Variants in OPCML observed in about 807,000 individuals in gnomAD.
OPCML encodes the protein opioid binding protein/cell adhesion molecule like.
OPCML carries 13 observed loss-of-function variants against 37.8 expected under a neutral mutation model. The ratio of observed to expected loss-of-function variants is 0.34; its 90% CI spans 0.22 to 0.55. OPCML has a LOEUF of 0.55. Among genes scored for constraint, OPCML ranks in the 20% least tolerant of loss-of-function variants. The pLI, the probability that OPCML is intolerant of heterozygous loss-of-function variation, is 0.91. For synonymous variants in OPCML, 176 were observed against 168.8 expected (o/e 1.04, Z -0.33); for missense variants, 341 against 435.6 (o/e 0.78, Z 1.93).
intron 2 of OPCML, among the ~76,000 whole-genome samples, chr11:132,920,077 T>C (rs1194110966): frequency 6.6e-6 from 1 of 152,204 alleles, no homozygotes; most frequent in African/African-American, 2.4e-5. Context: ...GTGGTGATGA[T>C]TGCACAACCT....
intron 1 of OPCML, among the ~76,000 whole-genome samples, chr11:133,401,957 G>T (rs1945413485): frequency 6.6e-6 from 1 of 152,296 alleles, no homozygotes; most frequent in East Asian, 1.9e-4. Context: ...AGTGCTGATT[G>T]TCAATCTTGA....
At chr11:132,531,242 C>T (rs1263221944) in intron 3 of OPCML, among the ~76,000 whole-genome samples, 1 of 152,148 alleles carries the variant, frequency 6.6e-6, no homozygotes, top group African/African-American at 2.4e-5. Flanking sequence ...GGAGGTAAAG[C>T]TTTGAATGGA....
rs147778934 is a variant in OPCML at position 133,317,194 on chromosome 11, G to C, written c.61+215070C>G. On this transcript the variant is annotated intron_variant, in intron 1 of 7. Transcript: ENST00000524381. ...CCTGGGTGACAGAGCGAGATGCTAT[G>C]TCAAAAAATAAAAAATACATAAAGT... Among the ~76,000 whole-genome samples, 1,006 of 152,214 alleles carry C rather than the reference G, an allele frequency of 6.6e-3. 2 individuals are homozygous for C. Among genetic ancestry groups the C allele is most frequent in the Middle Eastern group, 0.014 (4 of 294 alleles).
At chr11:132,769,672 T>G (rs970208773) in intron 2 of OPCML, among the ~76,000 whole-genome samples, 1 of 151,374 alleles carries the variant, frequency 6.6e-6, no homozygotes, top group African/African-American at 2.4e-5. Context: ...AAAGGCGGGG[T>G]GGAAAGAAGC....
chr11:133,457,002 C>A (rs183767784), intron 1 of OPCML, among the ~76,000 whole-genome samples: 1 of 152,012 alleles, frequency 6.6e-6, no homozygotes, highest in African/African-American at 2.4e-5. Flanking sequence ...AATACGGACA[C>A]GCAAATACAA....
At chr11:132,468,103 C>A (rs1370891253) in intron 4 of OPCML, among the ~76,000 whole-genome samples, 1 of 152,200 alleles carries the variant, frequency 6.6e-6, no homozygotes, top group Admixed American at 6.5e-5. Context: ...TCCAACCCAG[C>A]CTCCCTCTCT....
Position 133,174,520 on chromosome 11 carries a change from G to C in OPCML, c.62-231510C>G, listed in dbSNP as rs531542021. On this transcript the variant is annotated intron_variant, in intron 1 of 7. Transcript: ENST00000524381. This position sits in a 1 kb window ranked among gnomAD's most constrained non-coding sequence, Gnocchi z 4.6. ...ATTATGAACATTACGATTTATAATA[G>C]TGGAGGACTGGAAGCAACCTGCATA... Among the ~76,000 whole-genome samples the C allele has an allele frequency of 5.9e-5, 9 of 152,044 alleles. No individual in the cohort carries two copies. In the South Asian group the frequency reaches 1.9e-3, roughly 32 times the overall value.
At chr11:132,656,190 G>T (rs1337243949) in intron 3 of OPCML, among the ~76,000 whole-genome samples, 2 of 152,196 alleles carry the variant, frequency 1.3e-5, no homozygotes, top group African/African-American at 4.8e-5. Flanking sequence ...GACAGAAATG[G>T]CTTTACATGG....
intron 4 of OPCML, among the ~76,000 whole-genome samples, chr11:132,507,732 A>T (rs2096260489): frequency 6.6e-6 from 1 of 151,908 alleles, no homozygotes; most frequent in African/African-American, 2.4e-5. Flanking sequence ...CAAATAGAGG[A>T]TCTATCAATT....
chr11:132,526,113 T>A (rs2096307768), intron 4 of OPCML, among the ~76,000 whole-genome samples: 1 of 152,064 alleles, frequency 6.6e-6, no homozygotes, highest in Non-Finnish European at 1.5e-5. Flanking sequence ...TATGAATGAA[T>A]CTCCCTTATT....
intron 4 of OPCML, among the ~76,000 whole-genome samples, chr11:132,496,819 G>C (rs2096232627): frequency 6.6e-6 from 1 of 152,132 alleles, no homozygotes; most frequent in Non-Finnish European, 1.5e-5. Context: ...GAAAATTAAA[G>C]TTTTCTCTAT....
chr11:133,532,134 C>G, intron 1 of OPCML, 130 bp downstream of exon 1: 1 of 1,433,748 alleles, frequency 7.0e-7, no homozygotes, highest in Non-Finnish European at 9.4e-7. Context: ...CTACCTCTTT[C>G]ACTCACATGC....
intron 2 of OPCML, among the ~76,000 whole-genome samples, chr11:132,808,918 AAT>A (rs1939170201): frequency 6.6e-6 from 1 of 152,070 alleles, no homozygotes; most frequent in South Asian, 2.1e-4. Context: ...ATACAAACAT[AAT>A]TCAGACCTTT....
chr11:133,201,220 A>T (rs1938771925), intron 1 of OPCML, among the ~76,000 whole-genome samples: 1 of 152,114 alleles, frequency 6.6e-6, no homozygotes, highest in South Asian at 2.1e-4. Flanking sequence ...CTCTGCGCCA[A>T]ACTCCCAGGA....
At chr11:133,439,881 T>C (rs1218084136) in intron 1 of OPCML, among the ~76,000 whole-genome samples, 1 of 152,180 alleles carries the variant, frequency 6.6e-6, no homozygotes, top group Admixed American at 6.5e-5. Context: ...TATTATATCA[T>C]GACAAGCACA....
At chr11:133,333,641 G>T (rs1203604594) in intron 1 of OPCML, among the ~76,000 whole-genome samples, 3 of 152,142 alleles carry the variant, frequency 2.0e-5, no homozygotes, top group African/African-American at 7.2e-5. Context: ...TTGACAAATG[G>T]GATCTAATTA....
At chr11:132,882,372 T>G (rs1292768160) in intron 2 of OPCML, among the ~76,000 whole-genome samples, 1 of 152,034 alleles carries the variant, frequency 6.6e-6, no homozygotes, top group African/African-American at 2.4e-5. Flanking sequence ...AATAAACAGG[T>G]TTGTAGATGG....
chr11:133,022,086 G>T lies in OPCML; in HGVS notation c.62-79076C>A, dbSNP rs892731715. 2.6e-5 allele frequency among the ~76,000 whole-genome samples: 4 copies of T among 152,172 alleles called. No homozygotes were observed. The East Asian group carries it at 5.8e-4, about 22-fold the overall frequency. On this transcript the variant is annotated intron_variant, in intron 1 of 7. Transcript: ENST00000524381. ...TGGGAAGAATCTGGGTTTCTACTTCGCAGTAGGGCCTGAGGAACTCACCAT... is the reference window on the plus strand; with the variant it reads ...TGGGAAGAATCTGGGTTTCTACTTCTCAGTAGGGCCTGAGGAACTCACCAT...
intron 3 of OPCML, among the ~76,000 whole-genome samples, chr11:132,584,662 T>C (rs532276380): frequency 6.6e-6 from 1 of 152,182 alleles, no homozygotes; most frequent in African/African-American, 2.4e-5. Context: ...AGAGTGAAGA[T>C]GATCAGATCC....
Sources: gnomAD v4.1 joint callset for allele counts (sites outside exome capture counted in the v4.1 genomes callset) on GRCh38, gnomAD v4.1.1 for gene constraint, Gnocchi (gnomAD v3.1) non-coding constraint, MANE v1.5 for transcripts, NCBI Gene and HGNC (gene_info 2026-07-23, HGNC 2026-07-21) for gene names.